Variants in FSTL5 observed in about 807,000 individuals in gnomAD.
The protein encoded by FSTL5 is follistatin like 5.
FSTL5 carries 62 observed loss-of-function variants against 89.1 expected under a neutral mutation model. The ratio of observed to expected loss-of-function variants is 0.70; its 90% CI spans 0.57 to 0.86. The LOEUF is 0.86. FSTL5 is among the 40% of genes least tolerant of loss of function. The probability of loss-of-function intolerance (pLI) is 0.00; values close to 1 mark genes in which losing one functional copy is unlikely to be tolerated. For synonymous variants in FSTL5, 383 were observed against 346.2 expected (o/e 1.11, Z -1.18); for missense variants, 1,057 against 1,001.6 (o/e 1.06, Z -0.75).
intron 4 of FSTL5, among the ~76,000 whole-genome samples, chr4:161,882,668 A>G (rs1001242235): frequency 6.6e-6 from 1 of 152,160 alleles, no homozygotes; most frequent in African/African-American, 2.4e-5. Context: ...AGTATGTTCC[A>G]TTTAAATGGA....
intron 11 of FSTL5, among the ~76,000 whole-genome samples, chr4:161,500,945 C>T (rs79245759): frequency 0.026 from 3,986 of 152,152 alleles, 89 homozygotes; most frequent in Non-Finnish European, 0.037. Flanking sequence ...TTTGTTTCCT[C>T]TGCTTCTCCC....
intron 4 of FSTL5, among the ~76,000 whole-genome samples, chr4:161,868,941 G>T (rs1249216688): frequency 6.6e-6 from 1 of 152,090 alleles, no homozygotes; most frequent in Non-Finnish European, 1.5e-5. Flanking sequence ...ATAACAAAAG[G>T]CCAGGCTCGG....
At chr4:161,966,106 G>A (rs1005167816) in intron 3 of FSTL5, among the ~76,000 whole-genome samples, 3 of 151,992 alleles carry the variant, frequency 2.0e-5, no homozygotes, top group Admixed American at 1.3e-4. Flanking sequence ...CAATGAAGTC[G>A]TATGGTAAGA....
intron 13 of FSTL5, among the ~76,000 whole-genome samples, chr4:161,475,038 T>C (rs1428940298): frequency 1.3e-5 from 2 of 151,618 alleles, no homozygotes; most frequent in Non-Finnish European, 2.9e-5. Flanking sequence ...TTTTTTTTTT[T>C]TTTTTGTCTT....
chr4:161,999,316 A>G (rs959752878), intron 3 of FSTL5, among the ~76,000 whole-genome samples: 2 of 152,220 alleles, frequency 1.3e-5, no homozygotes, highest in African/African-American at 4.8e-5. Context: ...TACTTAAAAT[A>G]CTGATAGAAA....
rs79795278 is a variant in FSTL5, at chr4:161,475,243, T to C, written c.1608+5777A>G. ...TCTTGATGTTGGTCACTTTTGTTTA[T>C]CTTAGTTGGACTTTGTTGATCTTCA... On this transcript the variant is annotated intron_variant, in intron 13 of 15. Coordinates refer to ENST00000306100, the MANE Select transcript of FSTL5 (RefSeq NM_020116.5). 3.4e-3 allele frequency among the ~76,000 whole-genome samples: 522 copies of C among 152,294 alleles called. 3 individuals are homozygous for C. Among genetic ancestry groups the C allele is most frequent in the African/African-American group, 0.011 (471 of 41,568 alleles).
At chr4:161,717,747 G>GAA (rs1739037430) in intron 6 of FSTL5, among the ~76,000 whole-genome samples, 2 of 152,080 alleles carry the variant, frequency 1.3e-5, no homozygotes, top group Middle Eastern at 3.2e-3. Context: ...ATATTAGCAT[G>GAA]AAATGATATT....
At chr4:161,669,182 C>T (rs971454392) in intron 6 of FSTL5, among the ~76,000 whole-genome samples, 2 of 150,384 alleles carry the variant, frequency 1.3e-5, no homozygotes, top group African/African-American at 4.9e-5. Flanking sequence ...AATCCATGCT[C>T]ATGAAAACAA....
intron 4 of FSTL5, among the ~76,000 whole-genome samples, chr4:161,876,299 TTGAC>T (rs1364836181): frequency 1.3e-5 from 2 of 152,188 alleles, no homozygotes; most frequent in Non-Finnish European, 2.9e-5. Flanking sequence ...AAATGAATGT[TTGAC>T]TGTATTTTCT....
At chr4:162,137,537 T>C (rs1468300809) in intron 1 of FSTL5, among the ~76,000 whole-genome samples, 1 of 152,176 alleles carries the variant, frequency 6.6e-6, no homozygotes, top group African/African-American at 2.4e-5. Context: ...CTACAGGATT[T>C]CTTTATAAGA....
rs146279141 is a variant in FSTL5, at chr4:161,784,290, C to T, written c.410-8216G>A. Reference sequence around the variant, plus strand: ...GCCTTAACAGTTTTGATTGTAGCAGCCTGTGCTTTACAGACATTGTTAATT... The same window carrying T: ...GCCTTAACAGTTTTGATTGTAGCAGTCTGTGCTTTACAGACATTGTTAATT... On this transcript the variant is annotated intron_variant, in intron 4 of 15. Transcript: ENST00000306100. Among the ~76,000 whole-genome samples, 735 of 151,968 alleles carry T rather than the reference C, an allele frequency of 4.8e-3. 4 individuals are homozygous for T. The highest frequency in any genetic ancestry group is 0.017 in the African/African-American group (701 of 41,444).
chr4:161,963,096 A>G (rs1735226945), intron 3 of FSTL5, among the ~76,000 whole-genome samples: 1 of 151,952 alleles, frequency 6.6e-6, no homozygotes. Context: ...ATAAATTTAA[A>G]TAAAATATGT....
chr4:161,448,558 A>G (rs1733036846), intron 15 of FSTL5, among the ~76,000 whole-genome samples: 1 of 152,160 alleles, frequency 6.6e-6, no homozygotes. Flanking sequence ...AAGGAAACAT[A>G]TATCAAACTC....
At chr4:162,005,314 C>G (rs1459861448) in intron 3 of FSTL5, among the ~76,000 whole-genome samples, 1 of 152,130 alleles carries the variant, frequency 6.6e-6, no homozygotes, top group African/African-American at 2.4e-5. Context: ...GTTTAATGTT[C>G]CCATAGCACC....
chr4:162,093,393 T>A (rs1730626559), intron 2 of FSTL5, among the ~76,000 whole-genome samples: 1 of 152,122 alleles, frequency 6.6e-6, no homozygotes, highest in African/African-American at 2.4e-5. Context: ...TGAGATGAAG[T>A]TACTATGTTT....
chr4:161,841,379 T>C (rs2126871968), intron 4 of FSTL5, among the ~76,000 whole-genome samples: 1 of 152,326 alleles, frequency 6.6e-6, no homozygotes, highest in East Asian at 1.9e-4. Context: ...CCACAGGAAA[T>C]ATAGTAGAAT....
chr4:161,425,434 G>A (rs2126325226), intron 15 of FSTL5, among the ~76,000 whole-genome samples: 1 of 152,224 alleles, frequency 6.6e-6, no homozygotes, highest in East Asian at 1.9e-4. Context: ...ATAGAGCCTA[G>A]GATTTATTTA....
At chr4:161,463,122 G>T (rs1202360787) in intron 13 of FSTL5, among the ~76,000 whole-genome samples, 12 of 152,038 alleles carry the variant, frequency 7.9e-5, no homozygotes, top group Admixed American at 7.2e-4. Flanking sequence ...ATGATGAACT[G>T]CCTTCAAATA....
intron 2 of FSTL5, among the ~76,000 whole-genome samples, chr4:162,064,182 T>G (rs775847509): frequency 3.3e-5 from 5 of 152,004 alleles, no homozygotes; most frequent in Admixed American, 6.6e-5. Context: ...TTAAAACCAT[T>G]TGTTACCTTA....
Sources: gnomAD v4.1 joint callset for allele counts (sites outside exome capture counted in the v4.1 genomes callset) on GRCh38, gnomAD v4.1.1 for gene constraint, MANE v1.5 for transcripts, NCBI Gene and HGNC (gene_info 2026-07-23, HGNC 2026-07-21) for gene names.